The following SLC36A1 variants were observed in gnomAD, a reference collection of about 807,000 sequenced individuals.
The protein encoded by SLC36A1 is solute carrier family 36 member 1, also known as proton-coupled amino acid transporter 1.
In SLC36A1, 30 loss-of-function variants were observed where a neutral mutation model predicts 47.5. The observed-to-expected ratio is 0.63, with a 90% CI of 0.47 to 0.86. The LOEUF (loss-of-function observed/expected upper bound fraction) is 0.86. SLC36A1 is among the 40% of genes least tolerant of loss of function. The pLI is 0.00. For missense variants in SLC36A1, 517 were observed against 606.0 expected, an observed-to-expected ratio of 0.85 and a Z score of 1.54; for synonymous variants, 255 against 249.7, an observed-to-expected ratio of 1.02 and a Z score of -0.20.
chr5:151,449,368 C>A (rs1242693967), intron 1 of SLC36A1, among the ~76,000 whole-genome samples: 1 of 152,150 alleles, frequency 6.6e-6, no homozygotes, highest in African/African-American at 2.4e-5. Flanking sequence ...TAAAAATGTT[C>A]TTGAAGTCAA....
the SLC36A1 span, among the ~76,000 whole-genome samples, chr5:151,388,444 T>G: frequency 7.2e-6 from 1 of 139,790 alleles, no homozygotes; most frequent in African/African-American, 2.8e-5. Context: ...GAGCTTGTGG[T>G]AAGCCTAGAT....
At chr5:151,427,948 G>T in the SLC36A1 span, among the ~76,000 whole-genome samples, 5 of 152,106 alleles carry the variant, frequency 3.3e-5, no homozygotes, top group Admixed American at 3.3e-4. Flanking sequence ...AAAATAGGAA[G>T]GTCAAAATGG....
At chr5:151,426,520 A>G in the SLC36A1 span, among the ~76,000 whole-genome samples, 34,159 of 151,996 alleles carry the variant, frequency 0.22, 4,091 homozygotes, top group African/African-American at 0.29. Context: ...ATCTCAGTGC[A>G]GTAAAGAGCA....
Position 151,488,017 on chromosome 5 carries a change from G to A in SLC36A1, c.1194G>A (p.Leu398=). The A allele has an allele frequency of 3.1e-6, 5 of 1,614,126 alleles. No homozygotes were observed. Among genetic ancestry groups the A allele is most frequent in the Non-Finnish European group, 4.2e-6 (5 of 1,180,024 alleles). The change falls in exon 11 of 11, where the codon CTG becomes CTA. Residue 398 remains leucine, a synonymous_variant. Coordinates refer to ENST00000243389, the MANE Select transcript of SLC36A1 (RefSeq NM_078483.4). ...CCATCCTCATCCCCCGCCTGGACCT[G>A]GTCATCTCCCTGGTGGGCTCCGTGA... ...ILAILIPRLD[L]VISLVGSVSS... is the part of the protein sequence containing the mutation.
At chr5:151,392,735 G>A in the SLC36A1 span, among the ~76,000 whole-genome samples, 10,921 of 152,220 alleles carry the variant, frequency 0.072, 988 homozygotes, top group African/African-American at 0.22. Context: ...TTAATCCCGA[G>A]TTCTAGTTTG....
At chr5:151,408,280 C>T in the SLC36A1 span, among the ~76,000 whole-genome samples, 4 of 152,250 alleles carry the variant, frequency 2.6e-5, no homozygotes, top group Middle Eastern at 3.4e-3. Flanking sequence ...CTTCTGCCTC[C>T]CGGGTTCAAG....
chr5:151,379,338 GATTT>G, the SLC36A1 span, among the ~76,000 whole-genome samples: 3 of 152,096 alleles, frequency 2.0e-5, no homozygotes, highest in Non-Finnish European at 2.9e-5. Flanking sequence ...CTTATTTATT[GATTT>G]ATTTATTTGA....
chr5:151,513,839 A>G, the SLC36A1 span, among the ~76,000 whole-genome samples: 1 of 152,342 alleles, frequency 6.6e-6, no homozygotes, highest in East Asian at 1.9e-4. Context: ...ATTTTTAAAT[A>G]TCTCAGTTTT....
chr5:151,405,114 A>G, the SLC36A1 span, among the ~76,000 whole-genome samples: 4 of 152,264 alleles, frequency 2.6e-5, no homozygotes, highest in South Asian at 8.3e-4. Flanking sequence ...TGTGGGACTG[A>G]GTTGATTTGA....
At chr5:151,473,833 G>T in intron 8 of SLC36A1, 62 bp downstream of exon 8, 1 of 1,267,810 alleles carries the variant, frequency 7.9e-7, no homozygotes, top group South Asian at 1.2e-5. Context: ...CTCCAGGTCT[G>T]TTTCAAGGAA....
the SLC36A1 span, among the ~76,000 whole-genome samples, chr5:151,368,659 G>T: frequency 6.6e-6 from 1 of 152,146 alleles, no homozygotes; most frequent in Non-Finnish European, 1.5e-5. Flanking sequence ...TCTGTTGCCA[G>T]CTTTTACAAT....
At chr5:151,544,366 G>T in the SLC36A1 span, 1 of 1,614,202 alleles carries the variant, frequency 6.2e-7, no homozygotes. Context: ...TGTGGCTTCA[G>T]AAAATGACCC....
the SLC36A1 span, among the ~76,000 whole-genome samples, chr5:151,502,456 AAAAC>A: frequency 3.8e-4 from 57 of 148,686 alleles, 1 homozygote; most frequent in Middle Eastern, 3.4e-3. Flanking sequence ...CAACATTGAG[AAAAC>A]AAACCAGTTT....
chr5:151,456,021 CACATGACTGCTCT>C (rs781754805), intron 1 of SLC36A1, among the ~76,000 whole-genome samples: 16 of 152,312 alleles, frequency 1.1e-4, no homozygotes, highest in South Asian at 2.1e-4. Flanking sequence ...GGGGGAGTGA[CACATGACTGCTCT>C]CACATTTTAG....
At chr5:151,380,570 T>C in the SLC36A1 span, 1 of 544,622 alleles carries the variant, frequency 1.8e-6, no homozygotes, top group Admixed American at 1.9e-5. Flanking sequence ...AAACTGGACA[T>C]GCGTCTGAAT....
At chr5:151,453,956 T>A (rs1206683337) in intron 1 of SLC36A1, among the ~76,000 whole-genome samples, 1 of 152,044 alleles carries the variant, frequency 6.6e-6, no homozygotes, top group Non-Finnish European at 1.5e-5. Context: ...TTCCACCTGC[T>A]CATTTTTAGT....
chr5:151,503,621 A>G, the SLC36A1 span, among the ~76,000 whole-genome samples: 10 of 151,974 alleles, frequency 6.6e-5, no homozygotes, highest in Admixed American at 3.3e-4. Context: ...GCTGGCGACT[A>G]AGGGTGCGCT....
the SLC36A1 span, among the ~76,000 whole-genome samples, chr5:151,406,181 G>A: frequency 2.3e-3 from 349 of 152,260 alleles, 3 homozygotes; most frequent in African/African-American, 8.1e-3. Flanking sequence ...CCTCTCTTGG[G>A]GTGGCTTGAG....
chr5:151,464,904 C>A (rs1159674444), intron 4 of SLC36A1, among the ~76,000 whole-genome samples, 170 bp from the exon 5 acceptor site: 1 of 152,164 alleles, frequency 6.6e-6, no homozygotes, highest in Non-Finnish European at 1.5e-5. Context: ...AGTAACCATC[C>A]TGTCGACTGA....
Sources: allele counts gnomAD v4.1 joint callset (sites outside exome capture counted in the v4.1 genomes callset), GRCh38; gene constraint gnomAD v4.1.1; transcripts MANE v1.5; gene names NCBI Gene and HGNC (gene_info 2026-07-23, HGNC 2026-07-21).